Variants in BRINP3 observed in about 807,000 individuals in gnomAD.
BRINP3 encodes the protein BMP/retinoic acid inducible neural specific 3, also known as BMP/retinoic acid-inducible neural-specific protein 3.
BRINP3 carries 19 observed loss-of-function variants against 71.0 expected under a neutral mutation model. The observed-to-expected ratio is 0.27, with a 90% CI of 0.19 to 0.39. The LOEUF (loss-of-function observed/expected upper bound fraction) is 0.39, where lower values mean the gene tolerates loss of function less well. Ranked by LOEUF, BRINP3 falls within the 10% of genes least tolerant of loss-of-function variation. BRINP3 has a pLI of 1.00. For synonymous variants in BRINP3, 380 were observed against 337.7 expected, an observed-to-expected ratio of 1.13 and a Z score of -1.37; for missense variants, 959 against 940.8, an observed-to-expected ratio of 1.02 and a Z score of -0.25.
At chr1:190,188,349 C>A (rs1199255788) in intron 6 of BRINP3, among the ~76,000 whole-genome samples, 5 of 152,000 alleles carry the variant, frequency 3.3e-5, no homozygotes, top group African/African-American at 1.2e-4. Context: ...ATTTGGATAC[C>A]TTTTATTTAT....
At chr1:190,463,049 A>T (rs1031417301) in intron 1 of BRINP3, among the ~76,000 whole-genome samples, 2 of 151,996 alleles carry the variant, frequency 1.3e-5, no homozygotes, top group East Asian at 3.9e-4. Context: ...AACATTTTTC[A>T]TATTACATAT....
chr1:190,228,356 A>G (rs1187535725), intron 5 of BRINP3, among the ~76,000 whole-genome samples: 1 of 152,038 alleles, frequency 6.6e-6, no homozygotes, highest in South Asian at 2.1e-4. Context: ...CTTGTAAACT[A>G]CTTATCCATT....
At chr1:190,353,320 A>G (rs1175133387) in intron 2 of BRINP3, among the ~76,000 whole-genome samples, 1 of 152,048 alleles carries the variant, frequency 6.6e-6, no homozygotes, top group African/African-American at 2.4e-5. Flanking sequence ...TGTGGGAATA[A>G]TGACATTGTA....
At chr1:190,402,940 T>C (rs980093441) in intron 2 of BRINP3, among the ~76,000 whole-genome samples, 1 of 152,126 alleles carries the variant, frequency 6.6e-6, no homozygotes, top group African/African-American at 2.4e-5. Flanking sequence ...TTGCCCAGGC[T>C]GGTCTCCAAC....
intron 6 of BRINP3, among the ~76,000 whole-genome samples, chr1:190,216,159 C>A (rs1285098033): frequency 6.6e-6 from 1 of 151,656 alleles, no homozygotes; most frequent in East Asian, 1.9e-4. Flanking sequence ...TTAAAATATG[C>A]ATGCAAAACT....
chr1:190,327,330 A>AAAAAAAAAAAAAAAG (rs1666658795), intron 2 of BRINP3, among the ~76,000 whole-genome samples: 1 of 98,488 alleles, frequency 1.0e-5, no homozygotes. Flanking sequence ...AAAGAACAAA[A>AAAAAAAAAAAAAAAG]AAAAAAAAAA....
At chr1:190,358,760 C>A (rs1461813064) in intron 2 of BRINP3, among the ~76,000 whole-genome samples, 3 of 152,074 alleles carry the variant, frequency 2.0e-5, no homozygotes, top group Non-Finnish European at 2.9e-5. Flanking sequence ...TCGGACCAAC[C>A]CAAATGTCCA....
chr1:190,442,248 T>C (rs1674872724), intron 2 of BRINP3, among the ~76,000 whole-genome samples: 1 of 152,190 alleles, frequency 6.6e-6, no homozygotes, highest in Non-Finnish European at 1.5e-5. Context: ...TTTAATGAGG[T>C]ATGTTTATTT....
At chr1:190,357,428 A>G (rs1239598213) in intron 2 of BRINP3, among the ~76,000 whole-genome samples, 1 of 151,982 alleles carries the variant, frequency 6.6e-6, no homozygotes, top group Non-Finnish European at 1.5e-5. Flanking sequence ...AATTTTGATT[A>G]TTATTAGTTT....
intron 2 of BRINP3, among the ~76,000 whole-genome samples, chr1:190,289,717 A>C (rs527740906): frequency 6.6e-6 from 1 of 152,076 alleles, no homozygotes; most frequent in Non-Finnish European, 1.5e-5. Flanking sequence ...GGATTTATAT[A>C]ATATAAACTT....
chr1:190,278,713 G>T (rs78283161), intron 3 of BRINP3, among the ~76,000 whole-genome samples: 10,908 of 151,604 alleles, frequency 0.072, 521 homozygotes, highest in Non-Finnish European at 0.11. Context: ...GAGTAAGGTT[G>T]TTAATTCCAT....
chr1:190,361,954 A>C (rs1291039082), intron 2 of BRINP3: 2 of 152,098 alleles, frequency 1.3e-5, no homozygotes, highest in Non-Finnish European at 2.9e-5. Flanking sequence ...AGAAGTAATT[A>C]GGGTTAGATG....
rs1288023621 is a variant in BRINP3, at chr1:190,098,956, C to T, written c.1363G>A (p.Asp455Asn). The T allele has an allele frequency of 6.2e-7, 1 of 1,614,004 alleles. No homozygotes were observed. The highest frequency in any genetic ancestry group is 1.3e-5 in the African/African-American group (1 of 74,900). Residue 455 changes from aspartate to asparagine, a missense_variant, in exon 8 of 8, where the codon GAC becomes AAC. Physicochemically the swap from Asp to Asn is conservative, Grantham distance 23. Transcript: ENST00000367462. ...DASACLTCAP[D>N]NRTRCGTCNT... ...CAGGTGCCGCAGCGGGTGCGGTTGT[C>T]TGGTGCGCATGTCAGGCAGGCAGAG...
intron 7 of BRINP3, among the ~76,000 whole-genome samples, chr1:190,108,812 A>G (rs1652418896): frequency 6.6e-6 from 1 of 151,870 alleles, no homozygotes; most frequent in Non-Finnish European, 1.5e-5. Context: ...TGGAAAAAAA[A>G]TGAGTCTCTT....
Position 190,450,171 on chromosome 1 carries a change from C to A in BRINP3, c.236+4484G>T, listed in dbSNP as rs914297509. ...GCTACATCTCAAGGTAGGATCCTGTCGTAGAGAGGGAGCTGCGAAGTTGCT... is the reference window on the plus strand; with the variant it reads ...GCTACATCTCAAGGTAGGATCCTGTAGTAGAGAGGGAGCTGCGAAGTTGCT... On this transcript the variant is annotated intron_variant, in intron 2 of 7. Coordinates refer to ENST00000367462, the MANE Select transcript of BRINP3 (RefSeq NM_199051.3). Among the ~76,000 whole-genome samples the A allele has an allele frequency of 5.3e-5, 8 of 152,150 alleles. No homozygotes were observed. In the South Asian group the frequency reaches 1.7e-3, roughly 32 times the overall value.
chr1:190,417,112 A>T (rs1673057783), intron 2 of BRINP3, among the ~76,000 whole-genome samples: 1 of 152,182 alleles, frequency 6.6e-6, no homozygotes, highest in African/African-American at 2.4e-5. Context: ...CTAGATTCAA[A>T]TGGAGAACAA....
At chr1:190,473,411 G>T (rs573116202) in intron 1 of BRINP3, among the ~76,000 whole-genome samples, 2 of 151,790 alleles carry the variant, frequency 1.3e-5, no homozygotes, top group South Asian at 2.1e-4. Flanking sequence ...ATTGATCAGG[G>T]ATCTACATCA....
intron 2 of BRINP3, among the ~76,000 whole-genome samples, chr1:190,312,036 AATAT>A (rs1180367434): frequency 0.04 from 2,702 of 68,224 alleles, 59 homozygotes; most frequent in African/African-American, 0.079. Context: ...TGAAAAGTCA[AATAT>A]ATATATATAT....
At chr1:190,287,037 G>A (rs1202578029) in intron 2 of BRINP3, among the ~76,000 whole-genome samples, 9 of 151,032 alleles carry the variant, frequency 6.0e-5, no homozygotes. Context: ...TGGCCAACAT[G>A]GTGAAACCCT....
Sources: gnomAD v4.1 joint callset for allele counts (sites outside exome capture counted in the v4.1 genomes callset) on GRCh38, gnomAD v4.1.1 for gene constraint, MANE v1.5 for transcripts, NCBI Gene and HGNC (gene_info 2026-07-23, HGNC 2026-07-21) for gene names.